The following CHSY1 variants were observed in gnomAD, a reference collection of about 807,000 sequenced individuals.
CHSY1 encodes chondroitin sulfate synthase 1, also known as N-acetylgalactosaminyl-proteoglycan 3-beta-glucuronosyltransferase 1.
CHSY1 carries 13 observed loss-of-function variants against 59.8 expected under a neutral mutation model. That is an observed-to-expected ratio of 0.22 (90% CI 0.14 to 0.35). CHSY1 has a LOEUF of 0.35. CHSY1 is among the 10% of genes least tolerant of loss of function. The probability of loss-of-function intolerance (pLI) is 1.00; values close to 1 mark genes in which losing one functional copy is unlikely to be tolerated. For synonymous variants in CHSY1, 459 were observed against 401.2 expected (o/e 1.14, Z -1.72); for missense variants, 947 against 1,030.6 (o/e 0.92, Z 1.11).
chr15:101,189,657 A>T, intron 2 of CHSY1: 1 of 158,848 alleles, frequency 6.3e-6, no homozygotes, highest in Non-Finnish European at 1.4e-5. Flanking sequence ...TGGGTCAAAT[A>T]TGACCTACAG....
At chr15:101,236,201 G>A (rs910257416) in intron 1 of CHSY1, among the ~76,000 whole-genome samples, 1 of 152,216 alleles carries the variant, frequency 6.6e-6, no homozygotes, top group Non-Finnish European at 1.5e-5. Flanking sequence ...GGAATGCAGG[G>A]CACGAGAGCG....
chr15:101,218,131 A>G (rs1030323035), intron 2 of CHSY1, among the ~76,000 whole-genome samples: 1 of 152,244 alleles, frequency 6.6e-6, no homozygotes, highest in East Asian at 1.9e-4. Context: ...ATACCTGACT[A>G]GCACTCCTCA....
At chr15:101,228,694 T>C (rs1048837391) in intron 2 of CHSY1, among the ~76,000 whole-genome samples, 4 of 152,196 alleles carry the variant, frequency 2.6e-5, no homozygotes, top group African/African-American at 4.8e-5. Flanking sequence ...AAGGAATTCA[T>C]CTCTAGCAAA....
intron 2 of CHSY1, among the ~76,000 whole-genome samples, chr15:101,221,316 A>G (rs2038786728): frequency 6.6e-6 from 1 of 152,184 alleles, no homozygotes; most frequent in Non-Finnish European, 1.5e-5. Context: ...CAACGTGGCA[A>G]AATCCTCTCT....
Position 101,251,237 on chromosome 15 carries a change from C to T in CHSY1, c.220G>A (p.Gly74Ser). 6.3e-7 allele frequency: 1 copy of T among 1,576,132 alleles called. No homozygotes were observed. Residue 74 changes from glycine to serine, a missense_variant, in exon 1 of 3, where the codon GGC (glycine) becomes AGC (serine). This residue lies in a region of CHSY1 where 232 missense variants were observed against 188.5 expected (regional missense o/e 1.23). Transcript: ENST00000254190. ...CGCGGGCCGCCATCTGGGTCCGAGC[C>T]GGGCGGCCAGAGCTGCGCCCCGCGC... ...DARGAQLWPPGSDPDGGPRDR... is the reference protein window; with the variant it reads ...DARGAQLWPPSSDPDGGPRDR...
chr15:101,209,285 T>TA (rs1367367616), intron 2 of CHSY1, among the ~76,000 whole-genome samples: 3 of 152,186 alleles, frequency 2.0e-5, no homozygotes, highest in East Asian at 1.9e-4. Flanking sequence ...TGCAAACTGA[T>TA]AAACATTCCA....
intron 2 of CHSY1, among the ~76,000 whole-genome samples, chr15:101,228,246 A>G (rs944855078): frequency 6.6e-6 from 1 of 152,166 alleles, no homozygotes; most frequent in African/African-American, 2.4e-5. Context: ...AGGAGTAAAA[A>G]TGAGTAGAAC....
chr15:101,201,671 G>A (rs964051881), intron 2 of CHSY1, among the ~76,000 whole-genome samples: 3 of 152,226 alleles, frequency 2.0e-5, no homozygotes, highest in Admixed American at 1.3e-4. Context: ...GAGGTTGCAA[G>A]TACCAGCAGC....
At chr15:101,236,461 C>T (rs757374489) in intron 1 of CHSY1, among the ~76,000 whole-genome samples, 8 of 152,200 alleles carry the variant, frequency 5.3e-5, no homozygotes, top group Non-Finnish European at 7.3e-5. Context: ...CCAAGTAAGA[C>T]GTGCCTTTCA....
At chr15:101,250,400 G>A (rs1238925693) in intron 1 of CHSY1, among the ~76,000 whole-genome samples, 1 of 152,112 alleles carries the variant, frequency 6.6e-6, no homozygotes, top group Non-Finnish European at 1.5e-5. Flanking sequence ...AGACTACATT[G>A]GCTAATCCCT....
At chr15:101,194,019 C>T (rs926708788) in intron 2 of CHSY1, among the ~76,000 whole-genome samples, 7 of 152,226 alleles carry the variant, frequency 4.6e-5, no homozygotes, top group Non-Finnish European at 1.5e-5. Flanking sequence ...CGGTCAGATG[C>T]CCTGGCCTTG....
rs117327844 is a variant in CHSY1, at chr15:101,235,748, A to C, written c.321-171T>G. Among the ~76,000 whole-genome samples, 256 of 152,256 alleles carry C rather than the reference A, an allele frequency of 1.7e-3. 4 individuals are homozygous for C. In the East Asian group the frequency reaches 0.044, roughly 26 times the overall value. On this transcript the variant is annotated intron_variant, in intron 1 of 2. Coordinates refer to ENST00000254190, the MANE Select transcript of CHSY1 (RefSeq NM_014918.5). The stretch of plus-strand genomic sequence containing the variant: ...CAGGTTACCGCGTATTGCAAAGTCT[A>C]AATTAACTTTCAAAAGAACCCCAAC...
At chr15:101,197,669 T>G (rs1177483312) in intron 2 of CHSY1, among the ~76,000 whole-genome samples, 1 of 152,226 alleles carries the variant, frequency 6.6e-6, no homozygotes, top group East Asian at 1.9e-4. Context: ...AAGCTATAAA[T>G]GTATATAATG....
At chr15:101,232,790 A>G (rs1405871829) in intron 2 of CHSY1, among the ~76,000 whole-genome samples, 1 of 152,260 alleles carries the variant, frequency 6.6e-6, no homozygotes, top group African/African-American at 2.4e-5. Context: ...GACTACGAAC[A>G]GGCAAGGCAG....
chr15:101,177,919 C>G lies in CHSY1; in HGVS notation c.1878G>C (p.Leu626Phe). 1 of 1,614,192 alleles carries G rather than the reference C, an allele frequency of 6.2e-7. No homozygotes were observed. The highest frequency in any genetic ancestry group is 1.1e-5 in the South Asian group (1 of 91,086). The change falls in exon 3 of 3, where the codon TTG (leucine) becomes TTC (phenylalanine). Residue 626 changes from leucine to phenylalanine, a missense_variant. By Grantham distance (22) the Leu-to-Phe change is conservative. Around this residue, in one of 4 missense-constraint regions of CHSY1, gnomAD observed 602 missense variants for 676.9 expected, o/e 0.89. Coordinates refer to ENST00000254190, the MANE Select transcript of CHSY1 (RefSeq NM_014918.5). ...CGAGGTCGACGTCGCAGAAGAAGAG[C>G]AAAGATTCATTGTTAAACTGGGAGG... ...VGSSQFNNES[L>F]LFFCDVDLVF...
intron 2 of CHSY1, among the ~76,000 whole-genome samples, chr15:101,190,337 A>T (rs1026035119): frequency 6.6e-6 from 1 of 152,194 alleles, no homozygotes; most frequent in Non-Finnish European, 1.5e-5. Context: ...AGCAATATGA[A>T]CAGTTTTCAG....
intron 2 of CHSY1, among the ~76,000 whole-genome samples, chr15:101,221,419 G>A (rs2038787919): frequency 6.6e-6 from 1 of 152,074 alleles, no homozygotes; most frequent in Non-Finnish European, 1.5e-5. Context: ...CTTGAACCCG[G>A]GAGGAGCCAA....
intron 2 of CHSY1, among the ~76,000 whole-genome samples, chr15:101,182,426 C>T (rs1234942971): frequency 6.6e-6 from 1 of 152,208 alleles, no homozygotes; most frequent in Non-Finnish European, 1.5e-5. Context: ...TATGAAGTCA[C>T]TACAGGAGTA....
rs776085670 is a variant in CHSY1 at position 101,251,760 on chromosome 15, G to T, written c.-304C>A. ...CGGCGGCTCCTCCCGCTCGCGCGCGGGGACGCGGGGCCGGCACGACGGCGA... is the reference window on the plus strand; with the variant it reads ...CGGCGGCTCCTCCCGCTCGCGCGCGTGGACGCGGGGCCGGCACGACGGCGA... On this transcript the variant is annotated 5_prime_UTR_variant, in exon 1 of 3. Coordinates refer to ENST00000254190, the MANE Select transcript of CHSY1 (RefSeq NM_014918.5). 265 of 149,608 alleles carry T rather than the reference G, an allele frequency of 1.8e-3. 4 individuals are homozygous for T. Among genetic ancestry groups the T allele is most frequent in the Non-Finnish European group, 2.6e-3 (173 of 67,200 alleles). 9.3% of individuals were successfully genotyped at this position (149,608 alleles called of 1,614,324 possible). A position where few individuals can be genotyped will look rare whatever the true frequency, so the allele number is the denominator to read the frequency against.
Sources: gnomAD v4.1 joint callset for allele counts (sites outside exome capture counted in the v4.1 genomes callset) on GRCh38, gnomAD v4.1.1 for gene constraint, gnomAD v4.1.1 regional missense constraint, MANE v1.5 for transcripts, NCBI Gene and HGNC (gene_info 2026-07-23, HGNC 2026-07-21) for gene names.